The following THSD4 variants were observed in gnomAD, a reference collection of about 807,000 sequenced individuals.
The protein encoded by THSD4 is thrombospondin type-1 domain-containing protein 4.
In THSD4, 69 loss-of-function variants were observed where a neutral mutation model predicts 119.0. The observed-to-expected ratio is 0.58, with a 90% CI of 0.48 to 0.71. The LOEUF is 0.71. THSD4 is among the 30% of genes least tolerant of loss of function. THSD4 has a pLI of 0.00. For synonymous variants in THSD4, 524 were observed against 540.4 expected (o/e 0.97, Z 0.42); for missense variants, 1,393 against 1,391.1 (o/e 1.00, Z -0.02).
chr15:71,112,312 A>AG (rs754745556), upstream of THSD4: 3 of 1,343,880 alleles, frequency 2.2e-6, no homozygotes, highest in African/African-American at 1.5e-5. Flanking sequence ...AAGAGAATGA[A>AG]GGGGGGTACT....
intron 3 of THSD4, among the ~76,000 whole-genome samples, chr15:71,208,747 A>T (rs997419318): frequency 6.6e-6 from 1 of 151,962 alleles, no homozygotes; most frequent in African/African-American, 2.4e-5. Flanking sequence ...CCTGACCTCA[A>T]ATTATCCACC....
chr15:71,527,808 G>A (rs2048547791), intron 7 of THSD4, among the ~76,000 whole-genome samples: 1 of 143,362 alleles, frequency 7.0e-6, no homozygotes, highest in South Asian at 2.2e-4. Flanking sequence ...AGCCTCCCAG[G>A]TTCAAGTGAT....
chr15:71,161,096 A>G (rs1439708585), intron 3 of THSD4, among the ~76,000 whole-genome samples: 1 of 152,062 alleles, frequency 6.6e-6, no homozygotes, highest in Non-Finnish European at 1.5e-5. Context: ...CTAGTTTTAC[A>G]CCATTGTGGA....
In THSD4 at chr15:71,765,153, A is replaced by G. The variant is rs761681799; in HGVS notation, c.2723A>G (p.His908Arg). Residue 908 changes from histidine to arginine, a missense_variant, in exon 16 of 18, where the codon CAC becomes CGC. Coordinates refer to ENST00000261862, the MANE Select transcript of THSD4 (RefSeq NM_024817.3). ...AAACCCCCCAGCCAGCAATCCTGCC[A>G]CCTCAAGCCTTGCGGAGCCAAATGG... is the stretch of plus-strand genomic sequence containing the variant. ...LEKPPSQQSC[H>R]LKPCGAKWFS... The G allele has an allele frequency of 5.0e-6, 8 of 1,614,242 alleles. No homozygotes were observed. Among genetic ancestry groups the G allele is most frequent in the Non-Finnish European group, 6.8e-6 (8 of 1,180,042 alleles).
intron 17 of THSD4, among the ~76,000 whole-genome samples, chr15:71,776,901 C>T (rs1025461013): frequency 3.3e-5 from 5 of 152,134 alleles, no homozygotes; most frequent in Non-Finnish European, 5.9e-5. Context: ...GAGGGATTCC[C>T]TCACATAGAG....
At chr15:71,716,059 G>C (rs539243507) in intron 8 of THSD4, among the ~76,000 whole-genome samples, 2 of 152,284 alleles carry the variant, frequency 1.3e-5, no homozygotes, top group East Asian at 3.9e-4. Flanking sequence ...CAGCAGGATT[G>C]GTTCCTTCCT....
At chr15:71,673,607 G>T (rs901531387) in intron 8 of THSD4, among the ~76,000 whole-genome samples, 1 of 152,090 alleles carries the variant, frequency 6.6e-6, no homozygotes, top group Non-Finnish European at 1.5e-5. Flanking sequence ...GATCTTTCCT[G>T]CTTTCTCTTG....
intron 1 of THSD4, among the ~76,000 whole-genome samples, chr15:71,118,727 C>A (rs555665302): frequency 6.2e-4 from 94 of 152,312 alleles, no homozygotes; most frequent in Non-Finnish European, 1.2e-3. Flanking sequence ...ATAAAGGTTT[C>A]ATGTGTATTT....
At chr15:71,403,101 C>T (rs555431732) in intron 6 of THSD4, among the ~76,000 whole-genome samples, 1 of 152,234 alleles carries the variant, frequency 6.6e-6, no homozygotes, top group East Asian at 1.9e-4. Flanking sequence ...TCCTAGTGTA[C>T]AGCTGTCTTG....
intron 8 of THSD4, among the ~76,000 whole-genome samples, chr15:71,687,723 C>G (rs571685467): frequency 6.0e-5 from 9 of 149,684 alleles, no homozygotes; most frequent in Admixed American, 6.0e-4. Context: ...CCATTACACT[C>G]CAGTCTGGGC....
chr15:71,750,834 A>G (rs1254046931), intron 14 of THSD4, among the ~76,000 whole-genome samples: 3 of 152,094 alleles, frequency 2.0e-5, no homozygotes, highest in African/African-American at 7.2e-5. Flanking sequence ...GTGTATCCCT[A>G]TTTTCCAAGC....
At chr15:71,313,615 T>C (rs2045142822) in intron 6 of THSD4, among the ~76,000 whole-genome samples, 1 of 152,136 alleles carries the variant, frequency 6.6e-6, no homozygotes, top group Admixed American at 6.5e-5. Flanking sequence ...TTAGTTTCAA[T>C]ATATAGACAA....
chr15:71,210,301 T>TA (rs2043878715), intron 3 of THSD4, among the ~76,000 whole-genome samples: 1 of 151,926 alleles, frequency 6.6e-6, no homozygotes, highest in Admixed American at 6.6e-5. Flanking sequence ...TTTTGAGGAT[T>TA]AATTAGATAA....
chr15:71,404,869 C>A (rs544816344), intron 6 of THSD4, among the ~76,000 whole-genome samples: 1 of 145,402 alleles, frequency 6.9e-6, no homozygotes, highest in Non-Finnish European at 1.5e-5. Flanking sequence ...TCTTTTCTTT[C>A]CTTTCTTTTC....
chr15:71,723,220 T>C (rs1316785653), intron 8 of THSD4, among the ~76,000 whole-genome samples: 1 of 152,208 alleles, frequency 6.6e-6, no homozygotes, highest in East Asian at 1.9e-4. Flanking sequence ...GTTTTAGCCA[T>C]GTAATCAAAT....
At chr15:71,605,808 G>A (rs1399183179) in intron 7 of THSD4, among the ~76,000 whole-genome samples, 1 of 152,238 alleles carries the variant, frequency 6.6e-6, no homozygotes, top group Non-Finnish European at 1.5e-5. Flanking sequence ...CAAGAGGCAA[G>A]ATGAGATTAC....
At chr15:71,767,749 C>T (rs767722902) in intron 16 of THSD4, 4 of 152,156 alleles carry the variant, frequency 2.6e-5, no homozygotes, top group Non-Finnish European at 4.4e-5. Context: ...TGACCAATCT[C>T]GGGATTCAGA....
chr15:71,503,824 C>A (rs1441145053), intron 7 of THSD4, among the ~76,000 whole-genome samples: 1 of 152,170 alleles, frequency 6.6e-6, no homozygotes, highest in African/African-American at 2.4e-5. Context: ...ATAGTAAAGT[C>A]AAAAGAGGCA....
In THSD4 at chr15:71,215,358, G is replaced by C; in HGVS notation, c.423G>C (p.Arg141=). The C allele has an allele frequency of 6.5e-7, 1 of 1,532,208 alleles. No individual in the cohort carries two copies. The highest frequency in any genetic ancestry group is 8.7e-7 in the Non-Finnish European group (1 of 1,145,398). 94.9% of individuals were successfully genotyped at this position (1,532,208 alleles called of 1,614,324 possible). ...RQGPTVLRGS[R]HPQPQGLEVT... ...GCCCCACGGTGCTGCGAGGCAGCCG[G>C]CACCCACAGCCCCAGGGCCTCGAAG... The change falls in exon 4 of 18, where the codon CGG becomes CGC. Residue 141 remains arginine, a synonymous_variant. Coordinates refer to ENST00000261862, the MANE Select transcript of THSD4 (RefSeq NM_024817.3).
Sources: gnomAD v4.1 joint callset for allele counts (sites outside exome capture counted in the v4.1 genomes callset) on GRCh38, gnomAD v4.1.1 for gene constraint, MANE v1.5 for transcripts, NCBI Gene and HGNC (gene_info 2026-07-23, HGNC 2026-07-21) for gene names.